NAV2: variants seen among roughly 807,000 people sequenced by gnomAD.
The protein encoded by NAV2 is helicase, APC down-regulated 1.
NAV2 carries 54 observed loss-of-function variants against 223.2 expected under a neutral mutation model. That is an observed-to-expected ratio of 0.24 (90% CI 0.19 to 0.30). NAV2 has a LOEUF of 0.30. Ranked by LOEUF, NAV2 falls within the 10% of genes least tolerant of loss-of-function variation. The pLI is 1.00. For synonymous variants in NAV2, 1,279 were observed against 1,239.3 expected (o/e 1.03, Z -0.67); for missense variants, 2,806 against 3,147.5 (o/e 0.89, Z 2.60).
intron 11 of NAV2, among the ~76,000 whole-genome samples, chr11:20,029,929 G>T (rs1162878463): frequency 4.6e-5 from 7 of 152,156 alleles, no homozygotes; most frequent in Non-Finnish European, 8.8e-5. Flanking sequence ...CTTTTGTGTT[G>T]ATTGTTCTGA....
At chr11:19,593,612 G>T (rs1434970762) in intron 1 of NAV2, among the ~76,000 whole-genome samples, 1 of 152,210 alleles carries the variant, frequency 6.6e-6, no homozygotes, top group Non-Finnish European at 1.5e-5. Flanking sequence ...TTTTAGGAAG[G>T]AAGTCAAACT....
At chr11:19,565,806 A>G (rs565983856) in intron 1 of NAV2, among the ~76,000 whole-genome samples, 1 of 152,310 alleles carries the variant, frequency 6.6e-6, no homozygotes, top group African/African-American at 2.4e-5. Context: ...TGTACACAAC[A>G]CTGTGCAGAC....
chr11:19,506,986 C>G (rs918847150), intron 1 of NAV2: 18 of 152,204 alleles, frequency 1.2e-4, no homozygotes, highest in African/African-American at 4.8e-5. Flanking sequence ...CCCACAATGC[C>G]TGCCTTACAC....
chr11:19,864,007 T>C (rs971499475), intron 3 of NAV2, among the ~76,000 whole-genome samples: 1 of 152,146 alleles, frequency 6.6e-6, no homozygotes, highest in South Asian at 2.1e-4. Flanking sequence ...ACATATGAGT[T>C]TTATGAAGAA....
chr11:19,718,457 G>A (rs920423403), intron 1 of NAV2, among the ~76,000 whole-genome samples: 2 of 151,882 alleles, frequency 1.3e-5, no homozygotes, highest in South Asian at 2.1e-4. Flanking sequence ...TTCTCTGTGG[G>A]TGTTTTAGAT....
intron 6 of NAV2, among the ~76,000 whole-genome samples, chr11:19,924,315 A>G (rs961567952): frequency 6.6e-6 from 1 of 152,098 alleles, no homozygotes; most frequent in African/African-American, 2.4e-5. Flanking sequence ...AAAAAAACAA[A>G]AAAAAACTGG....
intron 16 of NAV2, 77 bp downstream of exon 16, chr11:20,049,978 T>G: frequency 6.9e-7 from 1 of 1,439,524 alleles, no homozygotes; most frequent in Non-Finnish European, 9.8e-7. Flanking sequence ...AGATGTCTTG[T>G]GCGAGGCTGT....
chr11:19,505,205 GC>G (rs2043086231), intron 1 of NAV2: 1 of 152,294 alleles, frequency 6.6e-6, no homozygotes, highest in African/African-American at 2.4e-5. Flanking sequence ...GGGTGGAAGA[GC>G]AGTTGAGCTT....
At chr11:19,749,456 G>T (rs577989969) in intron 1 of NAV2, among the ~76,000 whole-genome samples, 1 of 152,238 alleles carries the variant, frequency 6.6e-6, no homozygotes, top group African/African-American at 2.4e-5. Context: ...GGAGCTAGAG[G>T]CAGCCAGTAA....
chr11:20,103,262 G>A lies in NAV2; in HGVS notation c.6425G>A (p.Arg2142His), dbSNP rs147611109. 299 of 1,612,662 alleles carry A rather than the reference G, an allele frequency of 1.9e-4. No individual in the cohort carries two copies. The highest frequency in any genetic ancestry group is 2.4e-4 in the Non-Finnish European group (288 of 1,179,314). The change falls in exon 33 of 38, where the codon CGC becomes CAC. Residue 2142 changes from arginine to histidine, a missense_variant. By Grantham distance (29) the Arg-to-His change is conservative. Transcript: ENST00000349880. ...NVDHKSSKEL[R>H]QYLSNLADQC... ...CCTTCCTGGCCACCATAGGAATTGC[G>A]CCAGTACCTGTCCAACCTTGCTGAC...
intron 1 of NAV2, among the ~76,000 whole-genome samples, chr11:19,613,020 T>C (rs1409353829): frequency 6.6e-6 from 1 of 152,124 alleles, no homozygotes; most frequent in Non-Finnish European, 1.5e-5. Context: ...GCTTCTTAAA[T>C]GGCAGTGGCA....
In NAV2 at chr11:19,860,713, C is replaced by T. The variant is rs1218828859; in HGVS notation, c.439-8212C>T. Among the ~76,000 whole-genome samples the T allele has an allele frequency of 5.4e-3, 822 of 152,146 alleles. 11 individuals carry two copies. The highest frequency in any genetic ancestry group is 0.019 in the African/African-American group (772 of 41,532). ...GGTGGATGTTGTAGCGAGCCGAGAT[C>T]ATGCCACTGCACTCCAGCCTGGGCA... On this transcript the variant is annotated intron_variant, in intron 3 of 37. Coordinates refer to ENST00000349880, the MANE Select transcript of NAV2 (RefSeq NM_145117.5).
intron 1 of NAV2, among the ~76,000 whole-genome samples, chr11:19,560,115 T>C (rs750236686): frequency 4.6e-5 from 7 of 152,252 alleles, no homozygotes; most frequent in Non-Finnish European, 1.0e-4. Context: ...TTGTTGAAGC[T>C]GTTTTTCATT....
At chr11:19,737,994 T>C (rs775215217) in intron 1 of NAV2, among the ~76,000 whole-genome samples, 22 of 152,394 alleles carry the variant, frequency 1.4e-4, no homozygotes, top group Middle Eastern at 3.4e-3. Flanking sequence ...TTCTGTTTGA[T>C]GTCCTCGTCT....
chr11:19,847,379 C>T (rs2060869849), intron 3 of NAV2, among the ~76,000 whole-genome samples: 1 of 152,224 alleles, frequency 6.6e-6, no homozygotes, highest in Non-Finnish European at 1.5e-5. Flanking sequence ...CCCAGGCCTG[C>T]TTTCCCCTTT....
intron 1 of NAV2, among the ~76,000 whole-genome samples, chr11:19,387,585 T>C (rs774697635): frequency 6.6e-6 from 1 of 151,954 alleles, no homozygotes; most frequent in African/African-American, 2.4e-5. Context: ...AGGAAGGGAT[T>C]GAGTAGTTGG....
At chr11:19,774,177 CT>C (rs2055943223) in intron 1 of NAV2, among the ~76,000 whole-genome samples, 1 of 152,192 alleles carries the variant, frequency 6.6e-6, no homozygotes, top group Non-Finnish European at 1.5e-5. Flanking sequence ...GTGCATTGTT[CT>C]TTTCTTTTTG....
chr11:19,602,176 T>C (rs1024634149), intron 1 of NAV2, among the ~76,000 whole-genome samples: 5 of 147,376 alleles, frequency 3.4e-5, no homozygotes, highest in African/African-American at 5.0e-5. Context: ...TACAAGTCTT[T>C]TTTTTTTTTT....
intron 1 of NAV2, among the ~76,000 whole-genome samples, chr11:19,442,371 G>T (rs1215458359): frequency 2.0e-5 from 3 of 152,234 alleles, no homozygotes; most frequent in South Asian, 2.1e-4. Flanking sequence ...CAGGCAAGTT[G>T]CTGAGTTCTT....
Sources: allele counts gnomAD v4.1 joint callset (sites outside exome capture counted in the v4.1 genomes callset), GRCh38; gene constraint gnomAD v4.1.1; transcripts MANE v1.5; gene names NCBI Gene and HGNC (gene_info 2026-07-23, HGNC 2026-07-21).